EIF3A: variants seen among roughly 807,000 people sequenced by gnomAD.
The protein encoded by EIF3A is eukaryotic translation initiation factor 3 subunit A.
EIF3A carries 21 observed loss-of-function variants against 186.6 expected under a neutral mutation model. The observed-to-expected ratio is 0.11, with a 90% CI of 0.08 to 0.16. The LOEUF (loss-of-function observed/expected upper bound fraction) is 0.16. Ranked by LOEUF, EIF3A falls within the 10% of genes least tolerant of loss-of-function variation. The pLI is 1.00. For missense variants in EIF3A, 1,306 were observed against 1,796.3 expected (o/e 0.73, Z 4.93); for synonymous variants, 563 against 584.3 (o/e 0.96, Z 0.52).
At chr10:119,045,655 C>G (rs1848273051) in intron 17 of EIF3A, among the ~76,000 whole-genome samples, 1 of 152,188 alleles carries the variant, frequency 6.6e-6, no homozygotes, top group Admixed American at 6.5e-5. Flanking sequence ...AGTAACTCTG[C>G]CTCCTGGGCT....
chr10:119,036,307 C>G, intron 21 of EIF3A, 39 bp from the exon 22 acceptor site: 6 of 1,372,504 alleles, frequency 4.4e-6, no homozygotes, highest in Non-Finnish European at 6.1e-6. Flanking sequence ...TAAGTTAGTA[C>G]TATATTCTAT....
At chr10:119,045,098 C>T (rs1848266835) in intron 17 of EIF3A, among the ~76,000 whole-genome samples, 1 of 151,882 alleles carries the variant, frequency 6.6e-6, no homozygotes, top group African/African-American at 2.4e-5. Flanking sequence ...GCGCCTGCCT[C>T]CATGCCCGAC....
At chr10:119,047,888 A>C (rs1157542559) in intron 17 of EIF3A, among the ~76,000 whole-genome samples, 10 of 152,134 alleles carry the variant, frequency 6.6e-5, no homozygotes, top group African/African-American at 2.4e-4. Context: ...ATAGAGGAGC[A>C]GAGAAAAGGC....
At position 119,067,135 on chromosome 10, in the gene EIF3A, G is replaced by A. The variant is rs1387202639; in HGVS notation, c.951-1565C>T. Among the ~76,000 whole-genome samples, 2 of 151,862 alleles carry A rather than the reference G, an allele frequency of 1.3e-5. 1 individual carries two copies. Among genetic ancestry groups the A allele is most frequent in the African/African-American group, 4.8e-5 (2 of 41,286 alleles). On this transcript the variant is annotated intron_variant, in intron 6 of 21. Coordinates refer to ENST00000369144, the MANE Select transcript of EIF3A (RefSeq NM_003750.4). ...GGAGGCTGAGGCAGGAGAAGCGCTC[G>A]AACCCGGGAGGCAGAGGTTGCAGCG... is the stretch of plus-strand genomic sequence containing the variant.
chr10:119,037,369 A>G (rs1848146917), intron 20 of EIF3A, 60 bp from the exon 21 acceptor site: 1 of 1,439,630 alleles, frequency 6.9e-7, no homozygotes, highest in African/African-American at 1.4e-5. Flanking sequence ...GATAATTATA[A>G]GTACATCCAG....
intron 21 of EIF3A, 48 bp downstream of exon 21, chr10:119,037,071 C>CAA: frequency 1.0e-6 from 1 of 973,286 alleles, no homozygotes; most frequent in Non-Finnish European, 1.4e-6. Context: ...CCCCCCCCCC[C>CAA]CAGAAACGAC....
Position 119,060,794 on chromosome 10 carries a change from C to A in EIF3A, c.1278G>T (p.Gln426His), listed in dbSNP as rs774135968. The A allele has an allele frequency of 6.2e-7, 1 of 1,612,438 alleles. No individual in the cohort carries two copies. Among genetic ancestry groups the A allele is most frequent in the Non-Finnish European group, 8.5e-7 (1 of 1,179,346 alleles). Residue 426 changes from glutamine to histidine, a missense_variant, in exon 9 of 22, where the codon CAG (glutamine) becomes CAT (histidine). Gln to His is a conservative substitution (Grantham distance 24). Coordinates refer to ENST00000369144, the MANE Select transcript of EIF3A (RefSeq NM_003750.4). ...EQPEKEPELQQYVPQLQNNTI... is the reference protein window; with the variant it reads ...EQPEKEPELQHYVPQLQNNTI... The stretch of plus-strand genomic sequence containing the variant: ...TGTTGTTTTGCAGTTGTGGCACATA[C>A]TGCTGCAATTCCGGTTCCTTTTCAG...
chr10:119,038,181 T>C (rs753924939), intron 20 of EIF3A, 57 bp downstream of exon 20: 1 of 1,475,466 alleles, frequency 6.8e-7, no homozygotes, highest in South Asian at 1.2e-5. Context: ...GTGCTGGGAT[T>C]ACAGGCATGA....
chr10:119,080,367 C>A (rs1844244619), intron 1 of EIF3A: 2 of 985,320 alleles, frequency 2.0e-6, no homozygotes, highest in Admixed American at 1.2e-4. Context: ...GGGCTGCGGT[C>A]CCCGCGACGC....
chr10:119,064,617 T>C (rs1843942744), intron 7 of EIF3A, among the ~76,000 whole-genome samples: 2 of 152,222 alleles, frequency 1.3e-5, no homozygotes, highest in South Asian at 4.1e-4. Flanking sequence ...TCTCCCCAGA[T>C]GCAGAAGCCA....
rs1247360152 is a variant in EIF3A, at chr10:119,061,308, T to C, written c.1143A>G (p.Gln381=). 5 of 1,565,970 alleles carry C rather than the reference T, an allele frequency of 3.2e-6. No individual in the cohort carries two copies. Among genetic ancestry groups the C allele is most frequent in the Non-Finnish European group, 2.6e-6 (3 of 1,145,144 alleles). The change falls in exon 8 of 22, where the codon CAA becomes CAG. Residue 381 remains glutamine, a synonymous_variant. Transcript: ENST00000369144. ...GGTCTTTCACTTCTGGGACAACATA[T>C]TGTAGTACATTAAATCTGACCTACA... ...INDMVRFNVL[Q]YVVPEVKDLY... is the part of the protein sequence containing the mutation.
intron 4 of EIF3A, 93 bp downstream of exon 4, chr10:119,072,797 G>T (rs1844099866): frequency 2.1e-6 from 3 of 1,426,360 alleles, no homozygotes; most frequent in Admixed American, 4.3e-5. Context: ...TTTCAATAAG[G>T]ATAAAAACTA....
intron 14 of EIF3A, 120 bp from the exon 15 acceptor site, chr10:119,051,441 T>C: frequency 9.7e-7 from 1 of 1,033,470 alleles, no homozygotes; most frequent in Non-Finnish European, 1.3e-6. Flanking sequence ...TGTCATGCCA[T>C]AAAAATGAAA....
chr10:119,051,365 T>TA (rs766483811), intron 14 of EIF3A, 44 bp from the exon 15 acceptor site: 5 of 1,522,388 alleles, frequency 3.3e-6, no homozygotes, highest in Admixed American at 2.2e-5. Context: ...CTTTTTTTTT[T>TA]ACTCATTAAC....
chr10:119,052,523 C>A (rs1466120029), intron 14 of EIF3A, among the ~76,000 whole-genome samples: 1 of 152,012 alleles, frequency 6.6e-6, no homozygotes, highest in Admixed American at 6.6e-5. Context: ...TGCAGGCACA[C>A]TCCACCATGC....
At chr10:119,054,544 G>T (rs529215423) in intron 14 of EIF3A, among the ~76,000 whole-genome samples, 1 of 146,592 alleles carries the variant, frequency 6.8e-6, no homozygotes, top group African/African-American at 2.5e-5. Context: ...GAGAAACCCC[G>T]TCTCTAATTA....
chr10:119,077,117 C>T (rs892789209), intron 1 of EIF3A, among the ~76,000 whole-genome samples: 18 of 152,050 alleles, frequency 1.2e-4, no homozygotes, highest in African/African-American at 3.9e-4. Flanking sequence ...CTAAAAAGGG[C>T]TTGCTTAAAG....
intron 20 of EIF3A, among the ~76,000 whole-genome samples, chr10:119,037,666 T>C (rs1387635533): frequency 1.3e-5 from 2 of 152,194 alleles, no homozygotes; most frequent in Non-Finnish European, 2.9e-5. Context: ...CATCGAACAC[T>C]GCTGGTCTAC....
intron 19 of EIF3A, among the ~76,000 whole-genome samples, chr10:119,040,442 G>A (rs1041251714): frequency 1.3e-5 from 2 of 152,208 alleles, no homozygotes; most frequent in East Asian, 3.8e-4. Flanking sequence ...GGGTGGGCGT[G>A]AACAAGTGCA....
Sources: allele counts gnomAD v4.1 joint callset (sites outside exome capture counted in the v4.1 genomes callset), GRCh38; gene constraint gnomAD v4.1.1; transcripts MANE v1.5; gene names NCBI Gene and HGNC (gene_info 2026-07-23, HGNC 2026-07-21).